Variants in THSD7B observed in about 807,000 individuals in gnomAD.
THSD7B encodes thrombospondin type 1 domain containing 7B.
In THSD7B, 138 loss-of-function variants were observed where a neutral mutation model predicts 213.6. That is an observed-to-expected ratio of 0.65 (90% CI 0.56 to 0.74). The LOEUF is 0.74. Ranked by LOEUF, THSD7B falls within the 30% of genes least tolerant of loss-of-function variation. The pLI is 0.00. For synonymous variants in THSD7B, 742 were observed against 687.0 expected (o/e 1.08, Z -1.25); for missense variants, 1,931 against 1,991.5 (o/e 0.97, Z 0.58).
At chr2:137,245,715 T>G (rs114139950) in intron 10 of THSD7B, among the ~76,000 whole-genome samples, 2 of 152,320 alleles carry the variant, frequency 1.3e-5, no homozygotes, top group Non-Finnish European at 2.9e-5. Context: ...GGCATATAGT[T>G]GCTACTCAGT....
chr2:137,159,800 C>A (rs1028835161), intron 5 of THSD7B, among the ~76,000 whole-genome samples: 2 of 152,202 alleles, frequency 1.3e-5, no homozygotes, highest in African/African-American at 4.8e-5. Flanking sequence ...ATGCTAAACA[C>A]TCCACCTGAG....
intron 1 of THSD7B, among the ~76,000 whole-genome samples, chr2:136,859,438 A>G (rs1683226598): frequency 6.6e-6 from 1 of 152,238 alleles, no homozygotes; most frequent in Non-Finnish European, 1.5e-5. Context: ...AGATAGACTC[A>G]AAGTTGACCA....
chr2:136,933,734 T>C (rs1398692377), intron 2 of THSD7B, among the ~76,000 whole-genome samples: 2 of 152,188 alleles, frequency 1.3e-5, no homozygotes, highest in East Asian at 3.8e-4. Context: ...CCCCCCATCC[T>C]TCAGTATTAT....
At chr2:136,904,400 A>T (rs949486599) in intron 2 of THSD7B, among the ~76,000 whole-genome samples, 1 of 152,190 alleles carries the variant, frequency 6.6e-6, no homozygotes, top group African/African-American at 2.4e-5. Flanking sequence ...GACAGGGGTC[A>T]CTTACCACCC....
At chr2:136,815,835 A>T (rs899314584) in intron 1 of THSD7B, among the ~76,000 whole-genome samples, 2 of 152,102 alleles carry the variant, frequency 1.3e-5, no homozygotes, top group African/African-American at 4.8e-5. Flanking sequence ...GAAAGTGAGA[A>T]TCTTCTTCCA....
chr2:136,894,692 C>T (rs1055016786), intron 2 of THSD7B, among the ~76,000 whole-genome samples: 9 of 152,070 alleles, frequency 5.9e-5, no homozygotes, highest in East Asian at 5.8e-4. Context: ...CCTTCTGACA[C>T]GTAGAACGTA....
intron 12 of THSD7B, among the ~76,000 whole-genome samples, chr2:137,329,767 C>G (rs1684452964): frequency 6.6e-6 from 1 of 152,176 alleles, no homozygotes; most frequent in Non-Finnish European, 1.5e-5. Flanking sequence ...AACTCATTTT[C>G]TGGGGAGAAA....
intron 15 of THSD7B, among the ~76,000 whole-genome samples, chr2:137,511,852 T>G (rs1328197877): frequency 6.6e-6 from 1 of 152,162 alleles, no homozygotes; most frequent in African/African-American, 2.4e-5. Context: ...TTTTTACATT[T>G]CCCTAACTTC....
chr2:137,652,177 C>A (rs1340020347), intron 21 of THSD7B, among the ~76,000 whole-genome samples: 1 of 151,768 alleles, frequency 6.6e-6, no homozygotes, highest in Non-Finnish European at 1.5e-5. Context: ...GTATTGAGAT[C>A]TCTCTTTCTC....
chr2:137,511,399 A>G lies in THSD7B; in HGVS notation c.3139-51822A>G, dbSNP rs543628521. 4.6e-5 allele frequency among the ~76,000 whole-genome samples: 7 copies of G among 152,308 alleles called. No individual in the cohort carries two copies. In the East Asian group the frequency reaches 1.4e-3, roughly 29 times the overall value. On this transcript the variant is annotated intron_variant, in intron 15 of 27. Coordinates refer to ENST00000409968, the MANE Select transcript of THSD7B (RefSeq NM_001316349.2). ...TGAGAAACTAGACAATGGAGATGAT[A>G]TGATGCAGATGTTATGTTGCAGTTA... is the stretch of plus-strand genomic sequence containing the variant.
chr2:136,879,366 GT>G (rs929816721), intron 1 of THSD7B, among the ~76,000 whole-genome samples: 26 of 152,210 alleles, frequency 1.7e-4, no homozygotes, highest in Non-Finnish European at 3.4e-4. Context: ...CTCCAGCTTT[GT>G]TTTTTTGGCT....
intron 15 of THSD7B, among the ~76,000 whole-genome samples, chr2:137,507,631 A>T (rs1679866187): frequency 6.6e-6 from 1 of 152,144 alleles, no homozygotes; most frequent in Admixed American, 6.5e-5. Flanking sequence ...TAGGAGATTA[A>T]TTTCCAAACC....
chr2:137,477,086 G>T (rs1688210468), intron 15 of THSD7B, among the ~76,000 whole-genome samples: 1 of 152,176 alleles, frequency 6.6e-6, no homozygotes, highest in Non-Finnish European at 1.5e-5. Context: ...CTGTCCAGAA[G>T]ATCTCTCTAA....
At position 136,809,224 on chromosome 2, in the gene THSD7B, G is replaced by T. The variant is rs79293321; in HGVS notation, c.-36+43537G>T. Among the ~76,000 whole-genome samples the T allele has an allele frequency of 2.1e-3, 320 of 152,248 alleles. 7 individuals carry two copies. The East Asian group carries it at 0.04, about 19-fold the overall frequency. ...GAGTTGGCAGGGGAGAGTAGGGGTCGTCAGGGCCCCCTTAGAAGACAGTGA... is the reference window on the plus strand; with the variant it reads ...GAGTTGGCAGGGGAGAGTAGGGGTCTTCAGGGCCCCCTTAGAAGACAGTGA... On this transcript the variant is annotated intron_variant, in intron 1 of 27. Coordinates refer to ENST00000409968, the MANE Select transcript of THSD7B (RefSeq NM_001316349.2).
chr2:137,247,319 T>G (rs555069439), intron 10 of THSD7B, among the ~76,000 whole-genome samples: 1 of 152,200 alleles, frequency 6.6e-6, no homozygotes, highest in Admixed American at 6.5e-5. Context: ...GTTAATACAA[T>G]GTATTCATGT....
intron 1 of THSD7B, among the ~76,000 whole-genome samples, chr2:136,861,718 T>TGACCAATACA (rs1487503717): frequency 3.3e-5 from 5 of 152,264 alleles, no homozygotes; most frequent in Non-Finnish European, 5.9e-5. Context: ...CCTAAATGTA[T>TGACCAATACA]TGGTCATTTA....
At chr2:137,157,635 G>C (rs574889033) in intron 5 of THSD7B, among the ~76,000 whole-genome samples, 1 of 152,198 alleles carries the variant, frequency 6.6e-6, no homozygotes, top group African/African-American at 2.4e-5. Flanking sequence ...ATAGGGCTGT[G>C]GTTAAGAAGA....
chr2:136,898,046 C>T (rs1683994055), intron 2 of THSD7B, among the ~76,000 whole-genome samples: 1 of 152,198 alleles, frequency 6.6e-6, no homozygotes, highest in Non-Finnish European at 1.5e-5. Flanking sequence ...GGTGCGTTTA[C>T]AATCTTTTAG....
chr2:137,021,880 CTT>C (rs1281785847), intron 2 of THSD7B, among the ~76,000 whole-genome samples: 1 of 152,156 alleles, frequency 6.6e-6, no homozygotes, highest in African/African-American at 2.4e-5. Context: ...TGAATGGACA[CTT>C]TCTTGGTACT....
Sources: gnomAD v4.1 joint callset for allele counts (sites outside exome capture counted in the v4.1 genomes callset) on GRCh38, gnomAD v4.1.1 for gene constraint, MANE v1.5 for transcripts, NCBI Gene and HGNC (gene_info 2026-07-23, HGNC 2026-07-21) for gene names.